Variants in PCDH15 observed in about 807,000 individuals in gnomAD.
PCDH15 encodes protocadherin related 15, also known as protocadherin-15.
A neutral mutation model predicts 178.5 loss-of-function variants in PCDH15; 129 were observed. That is an observed-to-expected ratio of 0.72 (90% CI 0.63 to 0.84). PCDH15 has a LOEUF of 0.84. Ranked by LOEUF, PCDH15 falls within the 40% of genes least tolerant of loss-of-function variation. The pLI, the probability that PCDH15 is intolerant of heterozygous loss-of-function variation, is 0.00. For missense variants in PCDH15, 2,230 were observed against 2,099.9 expected (o/e 1.06, Z -1.21); for synonymous variants, 800 against 732.0 (o/e 1.09, Z -1.50).
intron 32 of PCDH15, chr10:53,821,241 G>C: frequency 1.0e-6 from 1 of 983,794 alleles, no homozygotes; most frequent in Non-Finnish European, 1.2e-6. Context: ...ATACTACTAA[G>C]ATAAAAGCAA....
intron 2 of PCDH15, among the ~76,000 whole-genome samples, chr10:55,104,773 T>C (rs1468700179): frequency 6.6e-6 from 1 of 152,196 alleles, no homozygotes; most frequent in Admixed American, 6.5e-5. Flanking sequence ...AAGGAAAAAA[T>C]CCGGCATCAC....
chr10:53,924,629 C>T (rs950136589), intron 25 of PCDH15, among the ~76,000 whole-genome samples: 7 of 152,244 alleles, frequency 4.6e-5, no homozygotes, highest in African/African-American at 1.4e-4. Context: ...CTAGGTGAAG[C>T]CAGCTGGGCT....
intron 2 of PCDH15, among the ~76,000 whole-genome samples, chr10:55,481,531 G>A (rs183895217): frequency 2.0e-5 from 3 of 151,538 alleles, no homozygotes; most frequent in South Asian, 2.1e-4. Context: ...TTGGTATATT[G>A]TGCCTTTCTT....
chr10:53,940,348 T>C (rs1180246720), intron 24 of PCDH15, among the ~76,000 whole-genome samples: 3 of 152,190 alleles, frequency 2.0e-5, no homozygotes. Context: ...ATGAATTGTA[T>C]GTCTAATTTG....
At chr10:55,106,124 G>A (rs2132050825) in intron 2 of PCDH15, among the ~76,000 whole-genome samples, 1 of 152,086 alleles carries the variant, frequency 6.6e-6, no homozygotes, top group East Asian at 1.9e-4. Context: ...TAAATCCAGT[G>A]ACATGCTACA....
chr10:55,105,954 T>C (rs2132050604), intron 2 of PCDH15, among the ~76,000 whole-genome samples: 1 of 152,138 alleles, frequency 6.6e-6, no homozygotes, highest in African/African-American at 2.4e-5. Flanking sequence ...CCTGACTAGC[T>C]CTCTTTTAGG....
At chr10:55,444,915 G>C (rs1260485920) in intron 2 of PCDH15, among the ~76,000 whole-genome samples, 1 of 152,072 alleles carries the variant, frequency 6.6e-6, no homozygotes, top group Non-Finnish European at 1.5e-5. Context: ...TCTCGTGACA[G>C]ATGAAAAGGG....
chr10:55,358,241 T>C (rs73255731), intron 2 of PCDH15, among the ~76,000 whole-genome samples: 9,174 of 152,232 alleles, frequency 0.06, 641 homozygotes, highest in African/African-American at 0.17. Context: ...AAACATTTTG[T>C]ATGATTTGAA....
At chr10:55,534,294 A>T (rs1204591678) in intron 2 of PCDH15, among the ~76,000 whole-genome samples, 1 of 152,072 alleles carries the variant, frequency 6.6e-6, no homozygotes, top group Non-Finnish European at 1.5e-5. Flanking sequence ...AACCTAAAGA[A>T]TGGCAGAAGA....
chr10:54,285,256 G>GAA lies in PCDH15; in HGVS notation c.876+32013_876+32014dup, dbSNP rs11399363. 2.6e-3 allele frequency among the ~76,000 whole-genome samples: 382 copies of GAA among 144,158 alleles called. 1 individual carries two copies. Among genetic ancestry groups the GAA allele is most frequent in the African/African-American group, 6.6e-3 (264 of 39,728 alleles). The allele number at this position is 144,158 out of a possible 152,430, so 94.6% of individuals were successfully genotyped here. ...AAGAAAATTTAAAGGCATCTTAACA[G>GAA]AAAAAAAAAACAATCAGCAGAGTAA... On this transcript the variant is annotated intron_variant, in intron 8 of 37. Coordinates refer to ENST00000644397, the MANE Select transcript of PCDH15 (RefSeq NM_001384140.1).
intron 3 of PCDH15, among the ~76,000 whole-genome samples, chr10:54,846,299 A>C (rs556851884): frequency 1.3e-5 from 2 of 152,264 alleles, no homozygotes; most frequent in South Asian, 4.1e-4. Flanking sequence ...AATCTTCTAG[A>C]AAAAAATTTT....
chr10:55,183,969 C>G (rs1342982760), intron 1 of PCDH15, among the ~76,000 whole-genome samples: 1 of 151,954 alleles, frequency 6.6e-6, no homozygotes, highest in African/African-American at 2.4e-5. Flanking sequence ...GGATTGAGAA[C>G]AGCATCCATA....
chr10:53,840,648 T>C, intron 28 of PCDH15, 152 bp from the exon 29 acceptor site: 1 of 767,634 alleles, frequency 1.3e-6, no homozygotes, highest in Non-Finnish European at 2.1e-6. Flanking sequence ...TTGAAAAACA[T>C]TCTCTATATT....
intron 3 of PCDH15, among the ~76,000 whole-genome samples, chr10:54,447,356 A>T (rs1326573610): frequency 1.3e-5 from 2 of 151,552 alleles, no homozygotes; most frequent in African/African-American, 4.8e-5. Context: ...GGCTAACTGG[A>T]ATTTTGTGTC....
chr10:55,019,448 C>CT (rs200935406), intron 2 of PCDH15, among the ~76,000 whole-genome samples: 6 of 151,262 alleles, frequency 4.0e-5, no homozygotes, highest in South Asian at 2.1e-4. Context: ...AGGACTACCC[C>CT]TTTTTTTTTC....
At chr10:55,245,037 G>A (rs1841648926) in intron 1 of PCDH15, among the ~76,000 whole-genome samples, 1 of 151,830 alleles carries the variant, frequency 6.6e-6, no homozygotes. Context: ...AATCTCACCA[G>A]TTTTGAGAAG....
At chr10:55,222,622 T>G (rs890617520) in intron 1 of PCDH15, among the ~76,000 whole-genome samples, 2 of 151,308 alleles carry the variant, frequency 1.3e-5, no homozygotes, top group African/African-American at 4.9e-5. Flanking sequence ...GTTTTCTTTA[T>G]AATTTTAAGA....
At chr10:53,966,804 T>A (rs2134372110) in intron 21 of PCDH15, among the ~76,000 whole-genome samples, 1 of 151,762 alleles carries the variant, frequency 6.6e-6, no homozygotes, top group African/African-American at 2.4e-5. Flanking sequence ...TTATTAGTTA[T>A]GTTTTAAAAA....
intron 1 of PCDH15, among the ~76,000 whole-genome samples, chr10:55,213,278 C>A (rs927405656): frequency 1.2e-4 from 18 of 152,052 alleles, no homozygotes; most frequent in Non-Finnish European, 1.9e-4. Flanking sequence ...CTATTAGTTT[C>A]ACGAATCTTC....
Sources: allele counts gnomAD v4.1 joint callset (sites outside exome capture counted in the v4.1 genomes callset), GRCh38; gene constraint gnomAD v4.1.1; transcripts MANE v1.5; gene names NCBI Gene and HGNC (gene_info 2026-07-23, HGNC 2026-07-21).